The following ITM2C variants were observed in gnomAD, a reference collection of about 807,000 sequenced individuals.
The protein encoded by ITM2C is BRICHOS domain containing 2C.
A neutral mutation model predicts 30.0 loss-of-function variants in ITM2C; 20 were observed. That is an observed-to-expected ratio of 0.67 (90% CI 0.47 to 0.97). The LOEUF is 0.97. ITM2C is among the 50% of genes least tolerant of loss of function. The probability of loss-of-function intolerance (pLI) is 0.00; values close to 1 mark genes in which losing one functional copy is unlikely to be tolerated. For missense variants in ITM2C, 366 were observed against 371.9 expected, an observed-to-expected ratio of 0.98 and a Z score of 0.13; for synonymous variants, 167 against 156.4, an observed-to-expected ratio of 1.07 and a Z score of -0.51.
chr2:230,875,535 C>G, intron 2 of ITM2C, 85 bp from the exon 3 acceptor site: 1 of 1,219,796 alleles, frequency 8.2e-7, no homozygotes, highest in East Asian at 2.4e-5. Flanking sequence ...GGGCATGTAG[C>G]GGACGGGTAG....
At chr2:230,871,875 C>T (rs1335226170) in intron 1 of ITM2C, among the ~76,000 whole-genome samples, 1 of 152,262 alleles carries the variant, frequency 6.6e-6, no homozygotes, top group Non-Finnish European at 1.5e-5. Flanking sequence ...AGGCCCCACA[C>T]TCCCCTGTGC....
At chr2:230,873,899 C>G (rs1027253170) in intron 2 of ITM2C, among the ~76,000 whole-genome samples, 4 of 152,250 alleles carry the variant, frequency 2.6e-5, no homozygotes, top group African/African-American at 9.6e-5. Flanking sequence ...AGACCCTGCA[C>G]CTGCAGGTCA....
At position 230,879,137 on chromosome 2, in the gene ITM2C, T is replaced by TA. The variant is rs1690029696; in HGVS notation, c.*1040dup. The TA allele has an allele frequency of 6.5e-6, 1 of 152,684 alleles. No homozygotes were observed. The highest frequency in any genetic ancestry group is 1.5e-5 in the Non-Finnish European group (1 of 68,050). 9.5% of individuals were successfully genotyped at this position (152,684 alleles called of 1,614,324 possible). On this transcript the variant is annotated 3_prime_UTR_variant, in exon 6 of 6. Transcript: ENST00000326427. Reference sequence around the variant, plus strand: ...CCCTGAGCCTTGGAGAGGAGGGCTGTAACGCCTTCAGTCAGTCTCTGGGGA... The same window carrying TA: ...CCCTGAGCCTTGGAGAGGAGGGCTGTAAACGCCTTCAGTCAGTCTCTGGGGA...
chr2:230,872,316 C>T (rs1291569104), intron 1 of ITM2C, among the ~76,000 whole-genome samples: 2 of 152,178 alleles, frequency 1.3e-5, no homozygotes, highest in East Asian at 1.9e-4. Context: ...GGGGCTTTTG[C>T]ATTATCTCCA....
chr2:230,877,945 C>T lies in ITM2C; in HGVS notation c.713-63C>T. 1.5e-6 allele frequency: 2 copies of T among 1,335,470 alleles called. No individual in the cohort carries two copies. The highest frequency in any genetic ancestry group is 2.2e-6 in the Non-Finnish European group (2 of 929,500). The allele number at this position is 1,335,470 out of a possible 1,614,324, so 82.7% of individuals were successfully genotyped here. A position where few individuals can be genotyped will look rare whatever the true frequency, so the allele number is the denominator to read the frequency against. On this transcript the variant is annotated intron_variant, in intron 5 of 5. Coordinates refer to ENST00000326427, the MANE Select transcript of ITM2C (RefSeq NM_030926.6). The surrounding 1 kb of genome is among the most constrained non-coding windows in gnomAD (Gnocchi z 4.8). ...GGCCCTCCTGTGGCTCAGGCTGAGG[C>T]TGGTGGTCTTTGTGACTCAGCCAGG... is the stretch of plus-strand genomic sequence containing the variant.
chr2:230,874,187 AAG>A (rs1697234448), intron 2 of ITM2C, among the ~76,000 whole-genome samples: 1 of 152,190 alleles, frequency 6.6e-6, no homozygotes, highest in Non-Finnish European at 1.5e-5. Context: ...CAGGGTGACA[AAG>A]AGGTGGGACT....
rs1689979354 is a variant in ITM2C, at chr2:230,878,218, A to G, written c.*119A>G. On this transcript the variant is annotated 3_prime_UTR_variant, in exon 6 of 6. Transcript: ENST00000326427. The surrounding 1 kb of genome is among the most constrained non-coding windows in gnomAD (Gnocchi z 4.5). Reference sequence around the variant, plus strand: ...TTGGACGCGTTTCTATAGAGGTGACATGTCTCTCCATTCCTCTCCAACCCT... The same window carrying G: ...TTGGACGCGTTTCTATAGAGGTGACGTGTCTCTCCATTCCTCTCCAACCCT... 9.8e-6 allele frequency: 6 copies of G among 613,434 alleles called. No homozygotes were observed. The highest frequency in any genetic ancestry group is 6.7e-5 in the South Asian group (3 of 44,858). 38.0% of individuals were successfully genotyped at this position (613,434 alleles called of 1,614,324 possible).
Position 230,878,081 on chromosome 2 carries a change from C to A in ITM2C, c.786C>A (p.Leu262=). 1 of 1,597,080 alleles carries A rather than the reference C, an allele frequency of 6.3e-7. No homozygotes were observed. The highest frequency in any genetic ancestry group is 1.3e-5 in the African/African-American group (1 of 74,534). The change falls in exon 6 of 6, where the codon CTC becomes CTA. Residue 262 remains leucine (L), a synonymous_variant. Transcript: ENST00000326427. This position sits in a 1 kb window ranked among gnomAD's most constrained non-coding sequence, Gnocchi z 4.5. ...AGAACACCTTCGTGGTGGAGACGCT[C>A]ATCTGCGGGGTGGTGTGAGGCCCTC... is the stretch of plus-strand genomic sequence containing the variant. ...HFENTFVVET[L]ICGVV
At chr2:230,870,986 C>T (rs373357411) in intron 1 of ITM2C, among the ~76,000 whole-genome samples, 1 of 152,200 alleles carries the variant, frequency 6.6e-6, no homozygotes, top group South Asian at 2.1e-4. Flanking sequence ...AACAGCTGTC[C>T]ACAGAGTCAG....
chr2:230,876,769 C>T (rs1246743291), intron 3 of ITM2C, 88 bp from the exon 4 acceptor site: 11 of 837,516 alleles, frequency 1.3e-5, no homozygotes, highest in Admixed American at 3.8e-5. Context: ...CATGAGCCAC[C>T]GCGCCTGGCT....
chr2:230,866,463 G>A (rs1486881882), intron 1 of ITM2C, among the ~76,000 whole-genome samples: 1 of 152,166 alleles, frequency 6.6e-6, no homozygotes, highest in Non-Finnish European at 1.5e-5. Flanking sequence ...GAGACCCTGA[G>A]TGAGGAATGC....
chr2:230,875,568 G>T, intron 2 of ITM2C, 52 bp from the exon 3 acceptor site: 1 of 1,507,054 alleles, frequency 6.6e-7, no homozygotes, highest in South Asian at 1.3e-5. Flanking sequence ...CTTACGGAGT[G>T]CGTGTATGAC....
rs748192011 is a variant in ITM2C at position 230,875,856 on chromosome 2, G to A, written c.450+48G>A. On this transcript the variant is annotated intron_variant, in intron 3 of 5. Coordinates refer to ENST00000326427, the MANE Select transcript of ITM2C (RefSeq NM_030926.6). ...GGTGGGGGGTGGGAGGGTGTCCCGG[G>A]GACTCAGGGCAAGGGGAGCAGGGAT... 13 of 1,201,468 alleles carry A rather than the reference G, an allele frequency of 1.1e-5. No individual in the cohort carries two copies. The East Asian group carries it at 2.6e-4, about 24-fold the overall frequency. The allele number at this position is 1,201,468 out of a possible 1,614,324, so 74.4% of individuals were successfully genotyped here. A position where few individuals can be genotyped will look rare whatever the true frequency, so the allele number is the denominator to read the frequency against.
chr2:230,875,552 G>A, intron 2 of ITM2C, 68 bp from the exon 3 acceptor site: 4 of 1,399,576 alleles, frequency 2.9e-6, no homozygotes, highest in Non-Finnish European at 3.9e-6. Context: ...GTAGGCAAGA[G>A]GGGGCCTTAC....
Position 230,878,090 on chromosome 2 carries a change from G to C in ITM2C, c.795G>C (p.Gly265=). The C allele has an allele frequency of 3.1e-6, 5 of 1,588,618 alleles. No homozygotes were observed. The highest frequency in any genetic ancestry group is 3.4e-6 in the Non-Finnish European group (4 of 1,165,446). Residue 265 remains glycine, a synonymous_variant, in exon 6 of 6, where the codon GGG becomes GGC. Transcript: ENST00000326427. The surrounding 1 kb of genome is among the most constrained non-coding windows in gnomAD (Gnocchi z 4.5). ...TCGTGGTGGAGACGCTCATCTGCGG[G>C]GTGGTGTGAGGCCCTCCTCCCCCAG... ...NTFVVETLIC[G]VV
In ITM2C at chr2:230,879,103, C is replaced by A. The variant is rs927466924; in HGVS notation, c.*1004C>A. On this transcript the variant is annotated 3_prime_UTR_variant, in exon 6 of 6. Transcript: ENST00000326427. ...TTTACTGATCATTCGATATGCTAACCGTTCTCAGCCCTGAGCCTTGGAGAG... is the reference window on the plus strand; with the variant it reads ...TTTACTGATCATTCGATATGCTAACAGTTCTCAGCCCTGAGCCTTGGAGAG... 6.6e-6 allele frequency: 1 copy of A among 152,632 alleles called. No homozygotes were observed. 9.5% of individuals were successfully genotyped at this position (152,632 alleles called of 1,614,324 possible).
rs896493681 is a variant in ITM2C, at chr2:230,876,899, G to A, written c.493G>A (p.Val165Ile). ...YHDISLDKCY[V>I]IELNTTIVLP... ...TGATATCTCCCTGGACAAGTGCTAT[G>A]TCATCGAACTCAACACCACCATTGT... The change falls in exon 4 of 6, where the codon GTC becomes ATC. Residue 165 changes from valine to isoleucine, a missense_variant. Coordinates refer to ENST00000326427, the MANE Select transcript of ITM2C (RefSeq NM_030926.6). 6.2e-7 allele frequency: 1 copy of A among 1,614,092 alleles called. No homozygotes were observed. The highest frequency in any genetic ancestry group is 8.5e-7 in the Non-Finnish European group (1 of 1,179,974).
upstream of ITM2C, among the ~76,000 whole-genome samples, chr2:230,864,252 C>T (rs760775970): frequency 6.6e-6 from 1 of 152,132 alleles, no homozygotes; most frequent in African/African-American, 2.4e-5. The surrounding 1 kb of genome is among the most constrained non-coding windows in gnomAD (Gnocchi z 4.3). Flanking sequence ...TAACTGAGGT[C>T]GCAGCAACAC....
chr2:230,866,431 G>C (rs940659321), intron 1 of ITM2C, among the ~76,000 whole-genome samples: 21 of 152,212 alleles, frequency 1.4e-4, no homozygotes, highest in African/African-American at 4.8e-4. Flanking sequence ...AGGGCCGTCA[G>C]AGTTGGGTGT....
Sources: gnomAD v4.1 joint callset for allele counts (sites outside exome capture counted in the v4.1 genomes callset) on GRCh38, gnomAD v4.1.1 for gene constraint, Gnocchi (gnomAD v3.1) non-coding constraint, MANE v1.5 for transcripts, NCBI Gene and HGNC (gene_info 2026-07-23, HGNC 2026-07-21) for gene names.